Variants in GRIP1 observed in about 807,000 individuals in gnomAD.
GRIP1 encodes glutamate receptor-interacting protein 1.
A neutral mutation model predicts 129.9 loss-of-function variants in GRIP1; 45 were observed. That is an observed-to-expected ratio of 0.35 (90% CI 0.27 to 0.44). GRIP1 has a LOEUF of 0.44. GRIP1 is among the 20% of genes least tolerant of loss of function. The pLI is 1.00. For synonymous variants in GRIP1, 530 were observed against 520.8 expected, an observed-to-expected ratio of 1.02 and a Z score of -0.24; for missense variants, 1,196 against 1,396.8, an observed-to-expected ratio of 0.86 and a Z score of 2.29.
chr12:66,485,626 C>G (rs1042069024), intron 7 of GRIP1, among the ~76,000 whole-genome samples: 2 of 151,718 alleles, frequency 1.3e-5, no homozygotes, highest in African/African-American at 4.8e-5. Flanking sequence ...TTTAAGAAAT[C>G]TTTGCTTACT....
chr12:66,355,613 G>A (rs979661341), intron 23 of GRIP1, among the ~76,000 whole-genome samples: 1 of 152,028 alleles, frequency 6.6e-6, no homozygotes, highest in Non-Finnish European at 1.5e-5. Context: ...AGGGAGAAGT[G>A]GTTAGGTTCA....
intron 1 of GRIP1, among the ~76,000 whole-genome samples, chr12:66,757,372 T>A (rs1442446686): frequency 6.6e-6 from 1 of 152,204 alleles, no homozygotes; most frequent in Non-Finnish European, 1.5e-5. Flanking sequence ...CTTAACATAA[T>A]GACCTTCAGT....
chr12:66,715,022 T>C (rs1287917514), intron 1 of GRIP1, among the ~76,000 whole-genome samples: 1 of 151,964 alleles, frequency 6.6e-6, no homozygotes, highest in African/African-American at 2.4e-5. Context: ...AACACTCTCT[T>C]ACAACTCCCT....
chr12:66,392,519 G>A lies in GRIP1; in HGVS notation c.2270-17C>T, dbSNP rs757227837. 5 of 1,610,904 alleles carry A rather than the reference G, an allele frequency of 3.1e-6. No homozygotes were observed. In the South Asian group the frequency reaches 4.4e-5, roughly 14 times the overall value. The stretch of plus-strand genomic sequence containing the variant: ...CTGACTGGGCTTTATAGACAGGAAA[G>A]GAGTTTAAGTATCAGAGTAAATTTA... On this transcript the variant is annotated splice_polypyrimidine_tract_variant and intron_variant, in intron 18 of 24. Transcript: ENST00000359742.
chr12:66,585,400 G>A (rs866256206), intron 2 of GRIP1, among the ~76,000 whole-genome samples: 5 of 133,954 alleles, frequency 3.7e-5, no homozygotes, highest in African/African-American at 5.5e-5. Flanking sequence ...ATGATTTCCA[G>A]TTTCATCCAT....
chr12:66,594,375 T>TC (rs1161753966), intron 2 of GRIP1, among the ~76,000 whole-genome samples: 3 of 152,198 alleles, frequency 2.0e-5, no homozygotes, highest in Non-Finnish European at 4.4e-5. Flanking sequence ...GCTTGTCCAA[T>TC]CCACAACCCA....
intron 1 of GRIP1, among the ~76,000 whole-genome samples, chr12:67,062,155 C>T (rs1266451210): frequency 6.6e-6 from 1 of 152,188 alleles, no homozygotes; most frequent in Non-Finnish European, 1.5e-5. Flanking sequence ...TCCTGACACT[C>T]CTCTGTTGGA....
At chr12:66,750,856 A>T (rs2037104309) in intron 1 of GRIP1, among the ~76,000 whole-genome samples, 1 of 152,214 alleles carries the variant, frequency 6.6e-6, no homozygotes, top group Admixed American at 6.5e-5. Context: ...GACAGATATC[A>T]AAGAGAATTT....
intron 1 of GRIP1, among the ~76,000 whole-genome samples, chr12:66,924,532 G>A (rs1437844404): frequency 1.3e-5 from 2 of 152,138 alleles, no homozygotes; most frequent in Non-Finnish European, 2.9e-5. Context: ...ACATATTATA[G>A]TATAATTCCT....
At chr12:66,576,574 C>A (rs1289855729) in intron 2 of GRIP1, among the ~76,000 whole-genome samples, 1 of 152,090 alleles carries the variant, frequency 6.6e-6, no homozygotes. Flanking sequence ...AATATCAGTC[C>A]CGTTGTTGGG....
At position 66,838,534 on chromosome 12, in the gene GRIP1, G is replaced by A. The variant is rs1029414916; in HGVS notation, c.58+230516C>T. Among the ~76,000 whole-genome samples, 4 of 152,110 alleles carry A rather than the reference G, an allele frequency of 2.6e-5. No homozygotes were observed. In the South Asian group the frequency reaches 6.2e-4, roughly 24 times the overall value. On this transcript the variant is annotated intron_variant, in intron 1 of 1. Transcript: ENST00000643019. ...CTTGCCAGCAGCAGAGGCACAACACGCTCATTCACGCATGTGAACAAATCA... is the reference window on the plus strand; with the variant it reads ...CTTGCCAGCAGCAGAGGCACAACACACTCATTCACGCATGTGAACAAATCA...
intron 16 of GRIP1, among the ~76,000 whole-genome samples, chr12:66,402,258 T>C (rs1476844354): frequency 6.6e-6 from 1 of 152,248 alleles, no homozygotes; most frequent in African/African-American, 2.4e-5. Context: ...ACATTCATCA[T>C]ATTGTTAATT....
At chr12:66,417,675 A>G (rs2057656599) in intron 15 of GRIP1, among the ~76,000 whole-genome samples, 1 of 152,190 alleles carries the variant, frequency 6.6e-6, no homozygotes, top group Non-Finnish European at 1.5e-5. Flanking sequence ...AAATTAAAGA[A>G]GTAATCCCTT....
intron 2 of GRIP1, among the ~76,000 whole-genome samples, chr12:66,549,935 T>C (rs948432047): frequency 3.9e-4 from 59 of 152,224 alleles, no homozygotes; most frequent in African/African-American, 1.4e-3. Context: ...AATACAAAAA[T>C]ATGTGACCCC....
intron 1 of GRIP1, among the ~76,000 whole-genome samples, chr12:66,780,700 T>G (rs2038129811): frequency 6.6e-6 from 1 of 152,174 alleles, no homozygotes; most frequent in African/African-American, 2.4e-5. Context: ...TGGGCTGAAT[T>G]TTGGGACTTG....
chr12:66,871,543 C>T (rs1273963066), intron 1 of GRIP1, among the ~76,000 whole-genome samples: 1 of 152,026 alleles, frequency 6.6e-6, no homozygotes, highest in Non-Finnish European at 1.5e-5. Context: ...CTATGAGGTG[C>T]TTAATGAAAT....
At chr12:66,973,250 T>C (rs957419555) in intron 1 of GRIP1, among the ~76,000 whole-genome samples, 16 of 115,394 alleles carry the variant, frequency 1.4e-4, no homozygotes, top group African/African-American at 4.8e-4. Context: ...TTAAAAACAC[T>C]CCTTAATACA....
intron 1 of GRIP1, among the ~76,000 whole-genome samples, chr12:66,967,436 A>T (rs2042014147): frequency 6.6e-6 from 1 of 152,204 alleles, no homozygotes; most frequent in African/African-American, 2.4e-5. Context: ...GAAAATAAGC[A>T]CAGCCATTTA....
intron 1 of GRIP1, among the ~76,000 whole-genome samples, chr12:66,941,498 G>C (rs1166092767): frequency 6.6e-6 from 1 of 152,104 alleles, no homozygotes; most frequent in East Asian, 1.9e-4. Context: ...TTAATGTTGT[G>C]CTTTGGTCCT....
Sources: gnomAD v4.1 joint callset for allele counts (sites outside exome capture counted in the v4.1 genomes callset) on GRCh38, gnomAD v4.1.1 for gene constraint, MANE v1.5 for transcripts, NCBI Gene and HGNC (gene_info 2026-07-23, HGNC 2026-07-21) for gene names.